The following TCAIM variants were observed in gnomAD, a reference collection of about 807,000 sequenced individuals.
TCAIM encodes the protein T cell activation inhibitor, mitochondrial.
A neutral mutation model predicts 58.6 loss-of-function variants in TCAIM; 36 were observed. The observed-to-expected ratio is 0.61, with a 90% CI of 0.47 to 0.81. TCAIM has a LOEUF of 0.81. Among genes scored for constraint, TCAIM ranks in the 30% least tolerant of loss-of-function variants. The probability of loss-of-function intolerance (pLI) is 0.00; values close to 1 mark genes in which losing one functional copy is unlikely to be tolerated. For missense variants in TCAIM, 466 were observed against 579.6 expected, an observed-to-expected ratio of 0.80 and a Z score of 2.01; for synonymous variants, 172 against 193.6, an observed-to-expected ratio of 0.89 and a Z score of 0.93.
At chr3:44,385,003 CA>C (rs1701716377) in intron 5 of TCAIM, among the ~76,000 whole-genome samples, 1 of 152,160 alleles carries the variant, frequency 6.6e-6, no homozygotes, top group African/African-American at 2.4e-5. Context: ...TGTGGAGAAA[CA>C]AGTCAGCCAG....
chr3:44,371,692 G>T (rs1023975108), intron 5 of TCAIM, among the ~76,000 whole-genome samples: 11 of 152,044 alleles, frequency 7.2e-5, no homozygotes, highest in African/African-American at 2.7e-4. Flanking sequence ...GTTCACATAG[G>T]CCCAGAGCCC....
At chr3:44,364,841 T>C (rs1002765470) in intron 4 of TCAIM, among the ~76,000 whole-genome samples, 1 of 152,178 alleles carries the variant, frequency 6.6e-6, no homozygotes, top group African/African-American at 2.4e-5. Context: ...CTTTTTTTGC[T>C]GGTAATACCC....
At chr3:44,390,699 G>T (rs977762106) in intron 5 of TCAIM, among the ~76,000 whole-genome samples, 1 of 152,138 alleles carries the variant, frequency 6.6e-6, no homozygotes, top group Non-Finnish European at 1.5e-5. Flanking sequence ...GGCCAGGCAT[G>T]GTGGCTCATG....
chr3:44,354,704 A>G (rs984685709), intron 1 of TCAIM, 35 bp from the exon 2 acceptor site: 1 of 1,442,442 alleles, frequency 6.9e-7, no homozygotes, highest in Non-Finnish European at 9.5e-7. Context: ...TTAAAATTCT[A>G]CTTGTTCATT....
At chr3:44,392,123 A>G (rs777249192) in intron 5 of TCAIM, among the ~76,000 whole-genome samples, 2 of 152,240 alleles carry the variant, frequency 1.3e-5, no homozygotes, top group Non-Finnish European at 2.9e-5. Context: ...CAGGTTTGAT[A>G]TAATTAAAAT....
intron 8 of TCAIM, among the ~76,000 whole-genome samples, chr3:44,397,160 T>G (rs1003193602): frequency 6.6e-6 from 1 of 152,226 alleles, no homozygotes; most frequent in Non-Finnish European, 1.5e-5. Context: ...TTTAATAAAC[T>G]GCACATGTTT....
At chr3:44,365,017 C>A (rs2125636423) in intron 4 of TCAIM, among the ~76,000 whole-genome samples, 1 of 152,224 alleles carries the variant, frequency 6.6e-6, no homozygotes, top group Non-Finnish European at 1.5e-5. Context: ...AGGCAATCCT[C>A]ACTATATAGC....
intron 5 of TCAIM, among the ~76,000 whole-genome samples, chr3:44,377,022 G>A (rs540351149): frequency 4.3e-4 from 66 of 152,224 alleles, no homozygotes; most frequent in South Asian, 1.9e-3. Context: ...CCTGGGAGGC[G>A]GAGCTTGCAG....
intron 5 of TCAIM, among the ~76,000 whole-genome samples, chr3:44,383,288 G>A (rs980076853): frequency 1.3e-5 from 2 of 152,178 alleles, no homozygotes; most frequent in African/African-American, 2.4e-5. Flanking sequence ...TAGCCAAAAG[G>A]TGGAAGCAAC....
intron 1 of TCAIM, 77 bp from the exon 2 acceptor site, chr3:44,354,662 G>A (rs1701156350): frequency 7.5e-6 from 7 of 929,398 alleles, no homozygotes; most frequent in Non-Finnish European, 1.1e-5. Context: ...CATATTTTGG[G>A]GTGATAATAT....
At chr3:44,342,130 G>T (rs972595674) in intron 1 of TCAIM, among the ~76,000 whole-genome samples, 1 of 151,950 alleles carries the variant, frequency 6.6e-6, no homozygotes, top group African/African-American at 2.4e-5. Flanking sequence ...ATAAAATAAA[G>T]ACAAAATTCA....
At chr3:44,365,296 A>G (rs535387726) in intron 4 of TCAIM, among the ~76,000 whole-genome samples, 161 of 152,110 alleles carry the variant, frequency 1.1e-3, no homozygotes, top group Non-Finnish European at 8.8e-4. Flanking sequence ...ATCTCTGACA[A>G]TGATTTAAAG....
chr3:44,347,892 G>A (rs988590163), intron 1 of TCAIM, among the ~76,000 whole-genome samples: 16 of 152,078 alleles, frequency 1.1e-4, no homozygotes, highest in African/African-American at 3.9e-4. Context: ...AGACACAAGG[G>A]GAGGATGTGA....
intron 5 of TCAIM, among the ~76,000 whole-genome samples, chr3:44,379,859 C>T (rs1360917569): frequency 3.3e-5 from 5 of 151,898 alleles, no homozygotes; most frequent in Admixed American, 1.3e-4. Context: ...ACATGTACTC[C>T]CAAATCTAAA....
intron 3 of TCAIM, 41 bp from the exon 4 acceptor site, chr3:44,361,324 G>A (rs752463758): frequency 5.9e-6 from 9 of 1,512,748 alleles, no homozygotes; most frequent in Non-Finnish European, 7.2e-6. Flanking sequence ...ATATTTCCTT[G>A]TTCTATTTTG....
At chr3:44,361,743 T>A (rs2125634999) in intron 4 of TCAIM, among the ~76,000 whole-genome samples, 1 of 152,396 alleles carries the variant, frequency 6.6e-6, no homozygotes, top group East Asian at 1.9e-4. Flanking sequence ...AAAGTGTTCC[T>A]ATTTGTTCCC....
At chr3:44,400,867 AT>A (rs1473255078) in intron 9 of TCAIM, 1 of 495,004 alleles carries the variant, frequency 2.0e-6, no homozygotes, top group Non-Finnish European at 3.6e-6. Context: ...CTAATAGTAA[AT>A]CAGTAGCCAA....
intron 5 of TCAIM, among the ~76,000 whole-genome samples, chr3:44,386,557 G>A (rs1006789909): frequency 7.2e-5 from 11 of 152,216 alleles, no homozygotes; most frequent in Non-Finnish European, 1.5e-5. Context: ...CAGGGGCCTG[G>A]GAACCCCCAC....
At chr3:44,349,382 A>G (rs1701038779) in intron 1 of TCAIM, among the ~76,000 whole-genome samples, 1 of 152,176 alleles carries the variant, frequency 6.6e-6, no homozygotes, top group African/African-American at 2.4e-5. Flanking sequence ...GCAGAAGAAA[A>G]TAAGGCGTTT....
Sources: gnomAD v4.1 joint callset for allele counts (sites outside exome capture counted in the v4.1 genomes callset) on GRCh38, gnomAD v4.1.1 for gene constraint, MANE v1.5 for transcripts, NCBI Gene and HGNC (gene_info 2026-07-23, HGNC 2026-07-21) for gene names.